The following ADCY3 variants were observed in gnomAD, a reference collection of about 807,000 sequenced individuals.
The protein encoded by ADCY3 is adenylate cyclase 3.
A neutral mutation model predicts 119.4 loss-of-function variants in ADCY3; 70 were observed. The observed-to-expected ratio is 0.59, with a 90% confidence interval of 0.48 to 0.72. The LOEUF is 0.72. Among genes scored for constraint, ADCY3 ranks in the 30% least tolerant of loss-of-function variants. The probability of loss-of-function intolerance (pLI) is 0.00; values close to 1 mark genes in which losing one functional copy is unlikely to be tolerated. For missense variants in ADCY3, 1,238 were observed against 1,541.6 expected, an observed-to-expected ratio of 0.80 and a Z score of 3.30; for synonymous variants, 672 against 621.4, an observed-to-expected ratio of 1.08 and a Z score of -1.21.
At chr2:24,865,526 T>C (rs1674182879) in intron 3 of ADCY3, among the ~76,000 whole-genome samples, 1 of 147,618 alleles carries the variant, frequency 6.8e-6, no homozygotes, top group Non-Finnish European at 1.5e-5. Context: ...TGTGTGTGTG[T>C]GTGTGTGTGA....
At chr2:24,901,127 G>T (rs763992987) in intron 2 of ADCY3, among the ~76,000 whole-genome samples, 1 of 152,166 alleles carries the variant, frequency 6.6e-6, no homozygotes. Context: ...GGTCAGAGCC[G>T]AGCAGGAAGG....
intron 2 of ADCY3, among the ~76,000 whole-genome samples, chr2:24,907,955 C>T (rs1663081194): frequency 6.6e-6 from 1 of 151,840 alleles, no homozygotes; most frequent in Admixed American, 6.6e-5. Flanking sequence ...TATTGTTCCA[C>T]TGCACTCCAG....
chr2:24,915,732 G>A (rs567309756), intron 2 of ADCY3, among the ~76,000 whole-genome samples: 65 of 152,212 alleles, frequency 4.3e-4, no homozygotes, highest in African/African-American at 1.5e-3. Flanking sequence ...GTAGAGATGC[G>A]GTTTCGCCAT....
chr2:24,826,370 G>C, intron 15 of ADCY3: 1 of 486,042 alleles, frequency 2.1e-6, no homozygotes, highest in Non-Finnish European at 3.7e-6. Context: ...TTCACATCAG[G>C]GCTGCTCCCC....
rs1031390352 is a variant in ADCY3 at position 24,822,408 on chromosome 2, C to G, written c.3003+103G>C. On this transcript the variant is annotated intron_variant, in intron 19 of 21. Coordinates refer to ENST00000679454, the MANE Select transcript of ADCY3 (RefSeq NM_004036.5). ...TGGTGCTGGTGGTGTGTGTCTGGGA[C>G]CACTTTGCACAGCAGTTCTTATTTC... is the stretch of plus-strand genomic sequence containing the variant. 5 of 1,498,324 alleles carry G rather than the reference C, an allele frequency of 3.3e-6. No homozygotes were observed. In the Admixed American group the frequency reaches 7.7e-5, roughly 23 times the overall value. 92.8% of individuals were successfully genotyped at this position (1,498,324 alleles called of 1,614,324 possible). A position where few individuals can be genotyped will look rare whatever the true frequency, so the allele number is the denominator to read the frequency against.
Position 24,838,599 on chromosome 2 carries a change from G to A in ADCY3, c.1379C>T (p.Thr460Ile). The change falls in exon 8 of 22, where the codon ACC (threonine) becomes ATC (isoleucine). Residue 460 changes from threonine to isoleucine, a missense_variant. By Grantham distance (89) the Thr-to-Ile change is moderately conservative. Coordinates refer to ENST00000679454, the MANE Select transcript of ADCY3 (RefSeq NM_004036.5). ...IPGRVHISQSTMDCLKGEFDV... is the reference protein window; with the variant it reads ...IPGRVHISQSIMDCLKGEFDV... ...AAACTCCCCTTTCAGGCAGTCCATG[G>A]TGCTCTGGGAGATGTGCACGCGCCT... is the stretch of plus-strand genomic sequence containing the variant. The A allele has an allele frequency of 2.5e-6, 4 of 1,614,088 alleles. No individual in the cohort carries two copies. The highest frequency in any genetic ancestry group is 3.4e-6 in the Non-Finnish European group (4 of 1,180,048).
At chr2:24,824,226 T>C in intron 17 of ADCY3, 152 bp downstream of exon 17, 1 of 955,436 alleles carries the variant, frequency 1.0e-6, no homozygotes, top group Non-Finnish European at 1.5e-6. Flanking sequence ...AATTCCTCTT[T>C]TGCTTATTTG....
chr2:24,869,821 A>G (rs1674742967), intron 3 of ADCY3, among the ~76,000 whole-genome samples: 1 of 152,180 alleles, frequency 6.6e-6, no homozygotes, highest in Admixed American at 6.5e-5. Context: ...GTTGGGCATA[A>G]CCGTAATACC....
chr2:24,891,866 A>G (rs1295010273), intron 2 of ADCY3, among the ~76,000 whole-genome samples: 1 of 152,210 alleles, frequency 6.6e-6, no homozygotes, highest in Non-Finnish European at 1.5e-5. Flanking sequence ...ACTGTGCCTA[A>G]TTTATAAGTT....
At chr2:24,852,341 G>C (rs1346759693) in intron 3 of ADCY3, among the ~76,000 whole-genome samples, 1 of 152,188 alleles carries the variant, frequency 6.6e-6, no homozygotes, top group Admixed American at 6.5e-5. Context: ...GGCAGGGGTG[G>C]GGGGTACAGG....
chr2:24,835,031 G>A, intron 9 of ADCY3, 95 bp from the exon 10 acceptor site: 1 of 1,463,416 alleles, frequency 6.8e-7, no homozygotes, highest in South Asian at 1.2e-5. Flanking sequence ...AGGAACAAAA[G>A]AGGGCATACT....
At chr2:24,875,240 C>T (rs1316069116) in intron 2 of ADCY3, among the ~76,000 whole-genome samples, 1 of 152,216 alleles carries the variant, frequency 6.6e-6, no homozygotes, top group Non-Finnish European at 1.5e-5. Context: ...CTTGCCTCAA[C>T]TGAGGAGGAG....
chr2:24,917,371 G>A (rs1402559863), intron 2 of ADCY3, among the ~76,000 whole-genome samples: 1 of 152,216 alleles, frequency 6.6e-6, no homozygotes, highest in Non-Finnish European at 1.5e-5. Flanking sequence ...AAGTGGGGGA[G>A]CCTCTCTTGA....
At chr2:24,833,891 G>C (rs559101809) in intron 11 of ADCY3, among the ~76,000 whole-genome samples, 31 of 152,372 alleles carry the variant, frequency 2.0e-4, no homozygotes, top group Non-Finnish European at 4.3e-4. Context: ...CTGACAAACT[G>C]TAATCCCAGC....
At chr2:24,844,913 A>T (rs1044763746) in intron 3 of ADCY3, among the ~76,000 whole-genome samples, 20 of 152,350 alleles carry the variant, frequency 1.3e-4, no homozygotes, top group Middle Eastern at 3.4e-3. Context: ...GAGGTAATTG[A>T]ATCACAGTGG....
chr2:24,900,578 T>C (rs1390775474), intron 2 of ADCY3, among the ~76,000 whole-genome samples: 1 of 151,846 alleles, frequency 6.6e-6, no homozygotes, highest in Non-Finnish European at 1.5e-5. Context: ...TCCTGAGCAA[T>C]GCGCTTTAGT....
At chr2:24,821,477 A>AG in intron 20 of ADCY3, 40 bp downstream of exon 20, 1 of 1,608,462 alleles carries the variant, frequency 6.2e-7, no homozygotes, top group Non-Finnish European at 8.5e-7. Flanking sequence ...CTGCATGGGA[A>AG]GGGAGCCTGC....
Position 24,830,824 on chromosome 2 carries a change from G to C in ADCY3, c.2057C>G (p.Ala686Gly). The change falls in exon 13 of 22, where the codon GCC becomes GGC. Residue 686 changes from alanine to glycine, a missense_variant and splice_region_variant. Transcript: ENST00000679454. The stretch of plus-strand genomic sequence containing the variant: ...GAAGGCCACAAGCTTCTTAGGAAAG[G>C]CCTAGAAGGAACAGAATTTCAAGGG... ...ICSLAAIFPR[A>G]FPKKLVAFST... 1 of 1,612,556 alleles carries C rather than the reference G, an allele frequency of 6.2e-7. No individual in the cohort carries two copies. Among genetic ancestry groups the C allele is most frequent in the Non-Finnish European group, 8.5e-7 (1 of 1,178,936 alleles).
intron 2 of ADCY3, among the ~76,000 whole-genome samples, chr2:24,895,407 C>T (rs1678138320): frequency 2.6e-5 from 4 of 152,084 alleles, no homozygotes; most frequent in Admixed American, 2.0e-4. Context: ...ATTCTTATTC[C>T]TTATATTTGT....
Sources: allele counts gnomAD v4.1 joint callset (sites outside exome capture counted in the v4.1 genomes callset), GRCh38; gene constraint gnomAD v4.1.1; transcripts MANE v1.5; gene names NCBI Gene and HGNC (gene_info 2026-07-23, HGNC 2026-07-21).